RAB3C: variants seen among roughly 807,000 people sequenced by gnomAD.
The protein encoded by RAB3C is ras-related protein Rab-3C.
In RAB3C, 17 loss-of-function variants were observed where a neutral mutation model predicts 26.4. That is an observed-to-expected ratio of 0.64 (90% CI 0.44 to 0.97). The LOEUF is 0.97. Among genes scored for constraint, RAB3C ranks in the 50% least tolerant of loss-of-function variants. The pLI, the probability that RAB3C is intolerant of heterozygous loss-of-function variation, is 0.00. For missense variants in RAB3C, 242 were observed against 281.9 expected, an observed-to-expected ratio of 0.86 and a Z score of 1.01; for synonymous variants, 91 against 95.9, an observed-to-expected ratio of 0.95 and a Z score of 0.30.
At chr5:58,803,002 T>A (rs1397409040) in intron 3 of RAB3C, among the ~76,000 whole-genome samples, 1 of 152,184 alleles carries the variant, frequency 6.6e-6, no homozygotes, top group African/African-American at 2.4e-5. Flanking sequence ...GGGCAAACAC[T>A]TGCCTTTGAG....
At chr5:58,786,486 G>C (rs1182254940) in intron 3 of RAB3C, among the ~76,000 whole-genome samples, 3 of 151,982 alleles carry the variant, frequency 2.0e-5, no homozygotes, top group African/African-American at 7.3e-5. Context: ...TCTTTCCTTG[G>C]CCTCTCCTCC....
At chr5:58,592,191 A>G (rs887154570) in intron 1 of RAB3C, among the ~76,000 whole-genome samples, 3 of 151,752 alleles carry the variant, frequency 2.0e-5, no homozygotes, top group Non-Finnish European at 2.9e-5. Flanking sequence ...GAGCCACTGC[A>G]CCCAGCCCTC....
At chr5:58,590,451 T>C (rs1746103736) in intron 1 of RAB3C, among the ~76,000 whole-genome samples, 1 of 152,138 alleles carries the variant, frequency 6.6e-6, no homozygotes, top group Non-Finnish European at 1.5e-5. Flanking sequence ...GCTGTTGTTT[T>C]AAAAACTATA....
chr5:58,803,911 T>A (rs1742873024), intron 3 of RAB3C, among the ~76,000 whole-genome samples: 1 of 151,848 alleles, frequency 6.6e-6, no homozygotes, highest in Admixed American at 6.6e-5. Context: ...ATACAAAAAA[T>A]TAGCCAGGCT....
Position 58,858,349 on chromosome 5 carries a change from T to C in RAB3C, c.*6998T>C, listed in dbSNP as rs1314761516. 1 of 152,200 alleles carries C rather than the reference T, an allele frequency of 6.6e-6. No homozygotes were observed. The highest frequency in any genetic ancestry group is 1.5e-5 in the Non-Finnish European group (1 of 68,028). 9.4% of individuals were successfully genotyped at this position (152,200 alleles called of 1,614,324 possible). On this transcript the variant is annotated 3_prime_UTR_variant, in exon 5 of 5. Transcript: ENST00000282878. The stretch of plus-strand genomic sequence containing the variant: ...TTAAAAAATGGAAGCAGGTAGCCAA[T>C]ATTAGAATGATAATTTAAGGGTGTG...
At chr5:58,626,586 C>A (rs1747057483) in intron 2 of RAB3C, among the ~76,000 whole-genome samples, 1 of 152,138 alleles carries the variant, frequency 6.6e-6, no homozygotes, top group Non-Finnish European at 1.5e-5. Flanking sequence ...TGACCTTGGA[C>A]AAGTTAATTA....
In RAB3C at chr5:58,854,541, A is replaced by C. The variant is rs973817711; in HGVS notation, c.*3190A>C. On this transcript the variant is annotated 3_prime_UTR_variant, in exon 5 of 5. Transcript: ENST00000282878. Reference sequence around the variant, plus strand: ...ATGTTAGCATCGCATCTACATGCTCATAAGAGGAATTGCTTCAGGACAATG... The same window carrying C: ...ATGTTAGCATCGCATCTACATGCTCCTAAGAGGAATTGCTTCAGGACAATG... 6.6e-6 allele frequency: 1 copy of C among 152,250 alleles called. No homozygotes were observed. The highest frequency in any genetic ancestry group is 6.5e-5 in the Admixed American group (1 of 15,282). The allele number at this position is 152,250 out of a possible 1,614,324, so 9.4% of individuals were successfully genotyped here.
chr5:58,840,291 T>G (rs1461904982), intron 4 of RAB3C, among the ~76,000 whole-genome samples: 2 of 152,142 alleles, frequency 1.3e-5, no homozygotes, highest in Non-Finnish European at 2.9e-5. Context: ...TTTTAGTCAT[T>G]GGATTCTTCA....
At chr5:58,744,303 T>C (rs948124912) in intron 3 of RAB3C, among the ~76,000 whole-genome samples, 1 of 152,222 alleles carries the variant, frequency 6.6e-6, no homozygotes, top group African/African-American at 2.4e-5. Context: ...CTATCAAAGA[T>C]TTCTCATCAG....
intron 2 of RAB3C, among the ~76,000 whole-genome samples, chr5:58,687,992 T>C (rs2111852925): frequency 6.6e-6 from 1 of 152,258 alleles, no homozygotes; most frequent in African/African-American, 2.4e-5. Context: ...TAGATGAATA[T>C]GATATTTCCA....
At chr5:58,840,000 T>G (rs1743842960) in intron 4 of RAB3C, among the ~76,000 whole-genome samples, 1 of 151,818 alleles carries the variant, frequency 6.6e-6, no homozygotes, top group Non-Finnish European at 1.5e-5. Flanking sequence ...ATTAATCTAA[T>G]GAGGGTTACT....
intron 3 of RAB3C, among the ~76,000 whole-genome samples, chr5:58,795,497 C>T (rs578191722): frequency 5.0e-4 from 76 of 152,278 alleles, no homozygotes; most frequent in Non-Finnish European, 8.7e-4. Context: ...TGCTGTGTAA[C>T]TTTCAACCAA....
intron 1 of RAB3C, among the ~76,000 whole-genome samples, chr5:58,586,632 T>A (rs1746013824): frequency 6.6e-6 from 1 of 152,122 alleles, no homozygotes; most frequent in Non-Finnish European, 1.5e-5. Flanking sequence ...CTTTTCCAAT[T>A]TGTTATCCAC....
chr5:58,723,053 T>C (rs1048561982), intron 2 of RAB3C, among the ~76,000 whole-genome samples: 5 of 151,826 alleles, frequency 3.3e-5, no homozygotes, highest in African/African-American at 1.2e-4. Context: ...AGTGATTTCT[T>C]AGCACCGTTT....
At chr5:58,766,964 C>G (rs769035652) in intron 3 of RAB3C, among the ~76,000 whole-genome samples, 1 of 152,158 alleles carries the variant, frequency 6.6e-6, no homozygotes, top group African/African-American at 2.4e-5. Flanking sequence ...AGACTGAGAA[C>G]AGCATCTCTG....
At chr5:58,819,851 C>G (rs1465935242) in intron 3 of RAB3C, among the ~76,000 whole-genome samples, 4 of 152,122 alleles carry the variant, frequency 2.6e-5, no homozygotes, top group African/African-American at 9.7e-5. Flanking sequence ...CTGGGCAACA[C>G]AGCAAGACTC....
intron 2 of RAB3C, among the ~76,000 whole-genome samples, chr5:58,673,487 C>T (rs1561285323): frequency 1.4e-5 from 2 of 143,956 alleles, no homozygotes; most frequent in South Asian, 2.2e-4. Context: ...CACACACACA[C>T]ATACAATTTT....
At chr5:58,825,972 T>C (rs945423795) in intron 4 of RAB3C, among the ~76,000 whole-genome samples, 1 of 152,052 alleles carries the variant, frequency 6.6e-6, no homozygotes, top group Non-Finnish European at 1.5e-5. Flanking sequence ...GAGTGGACAC[T>C]GAAGACTGGA....
At chr5:58,708,891 G>C (rs1156490918) in intron 2 of RAB3C, among the ~76,000 whole-genome samples, 1 of 152,084 alleles carries the variant, frequency 6.6e-6, no homozygotes, top group Non-Finnish European at 1.5e-5. Context: ...TGTATACATG[G>C]GTTTTATTTC....
Sources: gnomAD v4.1 joint callset for allele counts (sites outside exome capture counted in the v4.1 genomes callset) on GRCh38, gnomAD v4.1.1 for gene constraint, MANE v1.5 for transcripts, NCBI Gene and HGNC (gene_info 2026-07-23, HGNC 2026-07-21) for gene names.